Variants in SEMA5A observed in about 807,000 individuals in gnomAD.
SEMA5A encodes the protein semaphorin-5A.
A neutral mutation model predicts 135.5 loss-of-function variants in SEMA5A; 55 were observed. The ratio of observed to expected loss-of-function variants is 0.41; its 90% CI spans 0.33 to 0.51. The LOEUF (loss-of-function observed/expected upper bound fraction) is 0.51. SEMA5A is among the 20% of genes least tolerant of loss of function. The pLI is 0.37. For missense variants in SEMA5A, 1,290 were observed against 1,419.9 expected, an observed-to-expected ratio of 0.91 and a Z score of 1.47; for synonymous variants, 580 against 546.5, an observed-to-expected ratio of 1.06 and a Z score of -0.85.
intron 1 of SEMA5A, among the ~76,000 whole-genome samples, chr5:9,443,186 A>T (rs893571962): frequency 5.3e-5 from 8 of 152,212 alleles, no homozygotes; most frequent in Non-Finnish European, 7.3e-5. Flanking sequence ...GGATAAATCG[A>T]CAGTGGACAT....
intron 5 of SEMA5A, among the ~76,000 whole-genome samples, chr5:9,276,486 G>C (rs1444530965): frequency 6.6e-6 from 1 of 152,094 alleles, no homozygotes; most frequent in Non-Finnish European, 1.5e-5. Context: ...AACCAAAAAA[G>C]AGCCCACATA....
rs777005161 is a variant in SEMA5A at position 9,226,905 on chromosome 5, C to T, written c.396G>A (p.Gly132=). The change falls in exon 7 of 23, where the codon GGG becomes GGA. Residue 132 remains glycine (G), a synonymous_variant. Coordinates refer to ENST00000382496, the MANE Select transcript of SEMA5A (RefSeq NM_003966.3). ...TGCAGACAGGCGTGAATGCATTGGT[C>T]CCACAGGTGAATAACCGGTCGCCAC... ...LVGGDRLFTC[G]TNAFTPVCTN... 4 of 1,591,006 alleles carry T rather than the reference C, an allele frequency of 2.5e-6. No individual in the cohort carries two copies. Among genetic ancestry groups the T allele is most frequent in the African/African-American group, 2.7e-5 (2 of 74,114 alleles).
intron 1 of SEMA5A, among the ~76,000 whole-genome samples, chr5:9,528,683 C>T (rs1218897771): frequency 6.6e-6 from 1 of 152,092 alleles, no homozygotes; most frequent in Non-Finnish European, 1.5e-5. Flanking sequence ...GCATGAGGCC[C>T]AAGGAGAACC....
intron 16 of SEMA5A, among the ~76,000 whole-genome samples, chr5:9,067,062 T>C (rs1174901963): frequency 6.6e-6 from 1 of 152,198 alleles, no homozygotes; most frequent in African/African-American, 2.4e-5. Context: ...ATGGATGTTT[T>C]AAGACCTGGG....
chr5:9,379,046 C>T (rs977658522), intron 3 of SEMA5A, among the ~76,000 whole-genome samples: 8 of 152,002 alleles, frequency 5.3e-5, no homozygotes, highest in Admixed American at 2.6e-4. Flanking sequence ...GGGCTGCATG[C>T]TCCTTAGACT....
At chr5:9,361,895 C>T (rs930986007) in intron 3 of SEMA5A, among the ~76,000 whole-genome samples, 1 of 152,130 alleles carries the variant, frequency 6.6e-6, no homozygotes, top group African/African-American at 2.4e-5. Context: ...TACAAGAGCC[C>T]CAAATCCAGA....
At chr5:9,131,071 T>C (rs557214352) in intron 13 of SEMA5A, among the ~76,000 whole-genome samples, 20 of 152,336 alleles carry the variant, frequency 1.3e-4, no homozygotes, top group Admixed American at 2.6e-4. Flanking sequence ...ATTTGCTCCT[T>C]GTATTTTGTT....
chr5:9,500,902 C>T (rs1488760713), intron 1 of SEMA5A, among the ~76,000 whole-genome samples: 1 of 152,100 alleles, frequency 6.6e-6, no homozygotes, highest in Non-Finnish European at 1.5e-5. Context: ...TCTAATCTGG[C>T]GTTGACTGTA....
chr5:9,357,001 T>C (rs745368704), intron 3 of SEMA5A, among the ~76,000 whole-genome samples: 17 of 152,264 alleles, frequency 1.1e-4, no homozygotes, highest in Non-Finnish European at 2.2e-4. Context: ...TTGCAAGACA[T>C]AGAGAACCCA....
chr5:9,201,201 G>A (rs377425366), intron 9 of SEMA5A, among the ~76,000 whole-genome samples: 16 of 152,222 alleles, frequency 1.1e-4, no homozygotes, highest in African/African-American at 3.9e-4. Context: ...CTTGATTCCT[G>A]GGTTTGGCAC....
chr5:9,175,140 T>C (rs948364273), intron 11 of SEMA5A, among the ~76,000 whole-genome samples: 2 of 152,168 alleles, frequency 1.3e-5, no homozygotes, highest in African/African-American at 4.8e-5. Context: ...GTTCTAAAAT[T>C]CTGCTCCCTG....
intron 12 of SEMA5A, among the ~76,000 whole-genome samples, chr5:9,139,118 G>A (rs1741923999): frequency 6.6e-6 from 1 of 152,168 alleles, no homozygotes; most frequent in Non-Finnish European, 1.5e-5. Context: ...ATACCCAGTA[G>A]TGGGATTGCT....
chr5:9,245,101 A>C (rs1360505254), intron 5 of SEMA5A, among the ~76,000 whole-genome samples: 1 of 152,174 alleles, frequency 6.6e-6, no homozygotes, highest in Non-Finnish European at 1.5e-5. Context: ...AAAAATATGA[A>C]ATGGAACATT....
At chr5:9,157,995 T>G (rs1365773067) in intron 11 of SEMA5A, among the ~76,000 whole-genome samples, 1 of 152,240 alleles carries the variant, frequency 6.6e-6, no homozygotes, top group African/African-American at 2.4e-5. Context: ...TTACACTTGA[T>G]CTTAGGCTCC....
At chr5:9,270,295 T>C (rs1381292709) in intron 5 of SEMA5A, among the ~76,000 whole-genome samples, 1 of 152,134 alleles carries the variant, frequency 6.6e-6, no homozygotes, top group Admixed American at 6.5e-5. Flanking sequence ...GATCTATCCA[T>C]GCACCTCTTG....
intron 13 of SEMA5A, among the ~76,000 whole-genome samples, chr5:9,135,534 T>A (rs1560950009): frequency 1.3e-5 from 2 of 152,036 alleles, no homozygotes; most frequent in Non-Finnish European, 2.9e-5. Context: ...GTGGTTGAGA[T>A]AACAGAAAGG....
intron 5 of SEMA5A, among the ~76,000 whole-genome samples, chr5:9,294,394 C>T (rs745676731): frequency 1.3e-5 from 2 of 152,148 alleles, no homozygotes; most frequent in Admixed American, 6.5e-5. Flanking sequence ...CCCTGGCCTT[C>T]GTTTCAAAAA....
chr5:9,278,763 C>T (rs1429520108), intron 5 of SEMA5A, among the ~76,000 whole-genome samples: 1 of 152,182 alleles, frequency 6.6e-6, no homozygotes, highest in African/African-American at 2.4e-5. Context: ...AGGGTGCAAG[C>T]CCCAAGCCTC....
rs1735910654 is a variant in SEMA5A at position 9,040,663 on chromosome 5, C to T, written c.*2234G>A. 6.6e-6 allele frequency: 1 copy of T among 152,178 alleles called. No homozygotes were observed. The highest frequency in any genetic ancestry group is 1.5e-5 in the Non-Finnish European group (1 of 68,036). 9.4% of individuals were successfully genotyped at this position (152,178 alleles called of 1,614,324 possible). A position where few individuals can be genotyped will look rare whatever the true frequency, so the allele number is the denominator to read the frequency against. ...AAAGGTTTGTTTATATTATTAACAA[C>T]ATGAAGATCCTGTAGTGAGGGAGGG... is the stretch of plus-strand genomic sequence containing the variant. On this transcript the variant is annotated 3_prime_UTR_variant, in exon 23 of 23. Coordinates refer to ENST00000382496, the MANE Select transcript of SEMA5A (RefSeq NM_003966.3).
Sources: allele counts gnomAD v4.1 joint callset (sites outside exome capture counted in the v4.1 genomes callset), GRCh38; gene constraint gnomAD v4.1.1; transcripts MANE v1.5; gene names NCBI Gene and HGNC (gene_info 2026-07-23, HGNC 2026-07-21).